IQCM: variants seen among roughly 807,000 people sequenced by gnomAD.
IQCM encodes the protein IQ domain-containing protein M.
IQCM carries 45 observed loss-of-function variants against 57.6 expected under a neutral mutation model. The ratio of observed to expected loss-of-function variants is 0.78; its 90% confidence interval spans 0.62 to 1.00. IQCM has a LOEUF of 1.00. IQCM is among the 50% of genes least tolerant of loss of function. The pLI is 0.00. For missense variants in IQCM, 468 were observed against 511.6 expected (o/e 0.91, Z 0.82); for synonymous variants, 148 against 158.9 (o/e 0.93, Z 0.51).
chr4:149,529,629 G>A (rs1358527127), intron 12 of IQCM, among the ~76,000 whole-genome samples: 1 of 152,078 alleles, frequency 6.6e-6, no homozygotes, highest in African/African-American at 2.4e-5. Context: ...CTCTAACATA[G>A]TCCAGTTTTC....
rs114144398 is a variant in IQCM, at chr4:149,446,288, G to A, written c.1229-12731C>T. 4.1e-3 allele frequency among the ~76,000 whole-genome samples: 622 copies of A among 151,550 alleles called. 3 individuals are homozygous for A. Among genetic ancestry groups the A allele is most frequent in the African/African-American group, 0.014 (593 of 41,456 alleles). On this transcript the variant is annotated intron_variant, in intron 12 of 13. Coordinates refer to ENST00000636793, the MANE Select transcript of IQCM (RefSeq NM_001363507.2). ...TGTCTTTAAAAAGGAATTTATTCTT[G>A]AGCAATGAAACAGAATGGATTCTTT...
At chr4:149,598,810 GC>G (rs1184630716) in intron 8 of IQCM, among the ~76,000 whole-genome samples, 1 of 152,182 alleles carries the variant, frequency 6.6e-6, no homozygotes, top group Non-Finnish European at 1.5e-5. Flanking sequence ...AAAGCTGTTT[GC>G]TATTGCCTGG....
chr4:149,638,178 G>A (rs1051963601), intron 7 of IQCM, among the ~76,000 whole-genome samples: 2 of 152,146 alleles, frequency 1.3e-5, no homozygotes, highest in African/African-American at 2.4e-5. Context: ...ATGTGAGAAA[G>A]TGCCTAGCAT....
At chr4:149,795,374 C>T (rs72961798) in intron 2 of IQCM, among the ~76,000 whole-genome samples, 17,830 of 152,108 alleles carry the variant, frequency 0.12, 1,213 homozygotes, top group East Asian at 0.18. Context: ...AGCTAACAGC[C>T]GCCGAAAGAG....
At chr4:149,389,149 G>C (rs897315266) in intron 13 of IQCM, among the ~76,000 whole-genome samples, 1 of 151,682 alleles carries the variant, frequency 6.6e-6, no homozygotes, top group Non-Finnish European at 1.5e-5. Context: ...AATGCATCTT[G>C]AGCCAATTTT....
chr4:149,564,548 G>A (rs1430281805), intron 9 of IQCM, among the ~76,000 whole-genome samples: 5 of 152,146 alleles, frequency 3.3e-5, no homozygotes, highest in Non-Finnish European at 7.3e-5. Flanking sequence ...AGTGGGCTGG[G>A]AAAGACAGAC....
chr4:149,808,305 C>A (rs1280373100), intron 2 of IQCM, among the ~76,000 whole-genome samples: 1 of 151,966 alleles, frequency 6.6e-6, no homozygotes. Context: ...GTGAAATAAG[C>A]CAGTCAGAAA....
intron 2 of IQCM, among the ~76,000 whole-genome samples, chr4:149,801,890 A>C (rs984294253): frequency 6.6e-6 from 1 of 152,026 alleles, no homozygotes; most frequent in African/African-American, 2.4e-5. Flanking sequence ...CTAAACTAGT[A>C]TAATTGGATT....
intron 13 of IQCM, among the ~76,000 whole-genome samples, chr4:149,392,632 C>T (rs2111092324): frequency 6.6e-6 from 1 of 151,916 alleles, no homozygotes; most frequent in Middle Eastern, 3.4e-3. Context: ...AAACTCCAGA[C>T]TCAGAAATTA....
chr4:149,473,507 A>C (rs1336552277), intron 12 of IQCM, among the ~76,000 whole-genome samples: 1 of 152,232 alleles, frequency 6.6e-6, no homozygotes, highest in Non-Finnish European at 1.5e-5. Context: ...AGACATAGGA[A>C]CAGTTTTACA....
intron 12 of IQCM, among the ~76,000 whole-genome samples, chr4:149,435,727 A>G (rs1003097534): frequency 1.3e-5 from 2 of 152,012 alleles, no homozygotes; most frequent in Admixed American, 6.6e-5. Flanking sequence ...GACAGTGAAT[A>G]TTGACGATCC....
In IQCM at chr4:149,423,835, A is replaced by T. The variant is rs756589682; in HGVS notation, c.1390+9561T>A. Among the ~76,000 whole-genome samples, 7 of 151,974 alleles carry T rather than the reference A, an allele frequency of 4.6e-5. No individual in the cohort carries two copies. The South Asian group carries it at 1.5e-3, about 32-fold the overall frequency. On this transcript the variant is annotated intron_variant, in intron 13 of 13. Transcript: ENST00000636793. ...AGTGACTGAATAATGCCCTTATCTCACCTTGGATTTTTGCCTCCCAATGGT... is the reference window on the plus strand; with the variant it reads ...AGTGACTGAATAATGCCCTTATCTCTCCTTGGATTTTTGCCTCCCAATGGT...
At chr4:149,569,186 A>T (rs1201068089) in intron 9 of IQCM, among the ~76,000 whole-genome samples, 3 of 152,158 alleles carry the variant, frequency 2.0e-5, no homozygotes, top group African/African-American at 7.2e-5. Flanking sequence ...ATAAATAATA[A>T]ATAGCTGTTG....
intron 7 of IQCM, among the ~76,000 whole-genome samples, chr4:149,678,847 A>C (rs1247303119): frequency 1.3e-5 from 2 of 151,724 alleles, no homozygotes; most frequent in Non-Finnish European, 3.0e-5. Context: ...ATATTACCCC[A>C]GTTAAAAATG....
intron 12 of IQCM, among the ~76,000 whole-genome samples, chr4:149,544,198 C>T (rs1049127010): frequency 1.4e-4 from 22 of 151,930 alleles, no homozygotes; most frequent in Admixed American, 5.3e-4. Context: ...CAGTAGAAAG[C>T]CAGAGCATGA....
In IQCM at chr4:149,715,935, G is replaced by A. The variant is rs866301255; in HGVS notation, c.385+17309C>T. Among the ~76,000 whole-genome samples the A allele has an allele frequency of 2.2e-4, 33 of 152,156 alleles. 1 individual carries two copies. The highest frequency in any genetic ancestry group is 2.8e-4 in the Non-Finnish European group (19 of 68,034). ...CTGTCCTCTGTCCAAGTCTGGCTGAGTCCTGGGGAGAAAGTGCTTACTGAT... is the reference window on the plus strand; with the variant it reads ...CTGTCCTCTGTCCAAGTCTGGCTGAATCCTGGGGAGAAAGTGCTTACTGAT... On this transcript the variant is annotated intron_variant, in intron 5 of 13. Transcript: ENST00000636793.
At chr4:149,717,715 A>T (rs1384129169) in intron 5 of IQCM, among the ~76,000 whole-genome samples, 1 of 152,252 alleles carries the variant, frequency 6.6e-6, no homozygotes, top group Non-Finnish European at 1.5e-5. Flanking sequence ...TACACAGAGT[A>T]TGGCAAAAAT....
chr4:149,691,458 C>A (rs1762932745), intron 5 of IQCM, among the ~76,000 whole-genome samples: 1 of 152,098 alleles, frequency 6.6e-6, no homozygotes, highest in South Asian at 2.1e-4. Context: ...CTATTGCTAC[C>A]TTCAATGGAC....
At chr4:149,687,216 A>C (rs2149790292) in intron 5 of IQCM, among the ~76,000 whole-genome samples, 1 of 151,750 alleles carries the variant, frequency 6.6e-6, no homozygotes, top group East Asian at 1.9e-4. Flanking sequence ...AATGTCATCA[A>C]AAAGAAGAGC....
Sources: gnomAD v4.1 joint callset for allele counts (sites outside exome capture counted in the v4.1 genomes callset) on GRCh38, gnomAD v4.1.1 for gene constraint, MANE v1.5 for transcripts, NCBI Gene and HGNC (gene_info 2026-07-23, HGNC 2026-07-21) for gene names.